The following VEGFC variants were observed in gnomAD, a reference collection of about 807,000 sequenced individuals.
VEGFC encodes vascular endothelial growth factor C.
In VEGFC, 12 loss-of-function variants were observed where a neutral mutation model predicts 46.1. The ratio of observed to expected loss-of-function variants is 0.26; its 90% CI spans 0.17 to 0.42. The LOEUF is 0.42. VEGFC is among the 10% of genes least tolerant of loss of function. The probability of loss-of-function intolerance (pLI) is 1.00; values close to 1 mark genes in which losing one functional copy is unlikely to be tolerated. For missense variants in VEGFC, 488 were observed against 529.4 expected, an observed-to-expected ratio of 0.92 and a Z score of 0.77; for synonymous variants, 232 against 195.5, an observed-to-expected ratio of 1.19 and a Z score of -1.56.
chr4:176,787,409 A>T (rs1736021017), intron 1 of VEGFC, among the ~76,000 whole-genome samples: 1 of 148,838 alleles, frequency 6.7e-6, no homozygotes, highest in Admixed American at 6.9e-5. Context: ...GTGAGCCAAC[A>T]TCATGCCACT....
At chr4:176,688,064 T>C (rs1734078593) in intron 4 of VEGFC, 137 bp from the exon 5 acceptor site, 1 of 544,316 alleles carries the variant, frequency 1.8e-6, no homozygotes, top group Non-Finnish European at 3.2e-6. Flanking sequence ...AATGTGAATG[T>C]TTTCTCCCAA....
chr4:176,687,806 C>T lies in VEGFC; in HGVS notation c.811+15G>A, dbSNP rs1417777624. The stretch of plus-strand genomic sequence containing the variant: ...GACCCCTGGCGTTTAGTCTTTAAAG[C>T]ATCATTCTGCTTACCATCTCCAGCA... On this transcript the variant is annotated intron_variant, in intron 5 of 6. Coordinates refer to ENST00000618562, the MANE Select transcript of VEGFC (RefSeq NM_005429.5). 1 of 1,581,334 alleles carries T rather than the reference C, an allele frequency of 6.3e-7. No individual in the cohort carries two copies. Among genetic ancestry groups the T allele is most frequent in the African/African-American group, 1.3e-5 (1 of 74,112 alleles).
At chr4:176,697,495 G>A (rs1734341253) in intron 4 of VEGFC, among the ~76,000 whole-genome samples, 1 of 151,946 alleles carries the variant, frequency 6.6e-6, no homozygotes, top group African/African-American at 2.4e-5. Context: ...ACAGGTGCTG[G>A]AGAGGATGTG....
chr4:176,735,093 T>C (rs1735031398), intron 1 of VEGFC, among the ~76,000 whole-genome samples: 1 of 151,820 alleles, frequency 6.6e-6, no homozygotes, highest in Non-Finnish European at 1.5e-5. Flanking sequence ...TTTTGCTGTT[T>C]TCAATCTGTT....
Position 176,712,184 on chromosome 4 carries a change from T to C in VEGFC, c.553-534A>G, listed in dbSNP as rs187303500. Reference sequence around the variant, plus strand: ...AAATTTCTACCTCAATGTAGTTTTATATGTCTTAGATCTCTTATAAATTGA... The same window carrying C: ...AAATTTCTACCTCAATGTAGTTTTACATGTCTTAGATCTCTTATAAATTGA... On this transcript the variant is annotated intron_variant, in intron 3 of 6. Transcript: ENST00000618562. Among the ~76,000 whole-genome samples, 515 of 152,290 alleles carry C rather than the reference T, an allele frequency of 3.4e-3. 5 individuals carry two copies. Among genetic ancestry groups the C allele is most frequent in the Admixed American group, 7.7e-3 (118 of 15,288 alleles).
rs538838962 is a variant in VEGFC, at chr4:176,741,369, A to G, written c.148-11623T>C. Among the ~76,000 whole-genome samples, 22 of 152,110 alleles carry G rather than the reference A, an allele frequency of 1.4e-4. No individual in the cohort carries two copies. In the East Asian group the frequency reaches 4.3e-3, roughly 29 times the overall value. ...TGGACAATCAACATTGATGAAAATT[A>G]TATTGGAACATTCCACAGGCACATT... On this transcript the variant is annotated intron_variant, in intron 1 of 6. Coordinates refer to ENST00000618562, the MANE Select transcript of VEGFC (RefSeq NM_005429.5).
In VEGFC at chr4:176,727,958, A is replaced by G; in HGVS notation, c.372T>C (p.Asn124=). ...GCATGCATTGAGTCTTTCTCCACTC[A>G]TTATCAATACCTGTCAAGTCATAGG... ...YNTEILKSID[N]EWRKTQCMPR... The change falls in exon 3 of 7, where the codon AAT becomes AAC. Residue 124 remains asparagine, a synonymous_variant. Transcript: ENST00000618562. 3 of 1,608,972 alleles carry G rather than the reference A, an allele frequency of 1.9e-6. No individual in the cohort carries two copies. Among genetic ancestry groups the G allele is most frequent in the East Asian group, 4.5e-5 (2 of 44,726 alleles).
At chr4:176,735,730 A>G (rs1243113968) in intron 1 of VEGFC, among the ~76,000 whole-genome samples, 1 of 151,874 alleles carries the variant, frequency 6.6e-6, no homozygotes, top group Non-Finnish European at 1.5e-5. Context: ...TGGAGAATTT[A>G]CCATTGACCT....
chr4:176,716,642 G>A (rs1450407331), intron 3 of VEGFC, among the ~76,000 whole-genome samples: 3 of 149,440 alleles, frequency 2.0e-5, no homozygotes, highest in African/African-American at 4.9e-5. Context: ...CGGTGAGGGT[G>A]AATGAGAACA....
intron 1 of VEGFC, among the ~76,000 whole-genome samples, chr4:176,784,139 A>ACTCACTG (rs1188403887): frequency 6.9e-6 from 1 of 144,776 alleles, no homozygotes; most frequent in Non-Finnish European, 1.5e-5. Context: ...ATCTCAGCTC[A>ACTCACTG]CTCACTGCAA....
In VEGFC at chr4:176,722,473, T is replaced by C. The variant is rs185237106; in HGVS notation, c.552+5305A>G. Among the ~76,000 whole-genome samples the C allele has an allele frequency of 3.4e-3, 499 of 148,058 alleles. 5 individuals are homozygous for C. The highest frequency in any genetic ancestry group is 8.4e-3 in the Admixed American group (119 of 14,222). On this transcript the variant is annotated intron_variant, in intron 3 of 6. Coordinates refer to ENST00000618562, the MANE Select transcript of VEGFC (RefSeq NM_005429.5). Reference sequence around the variant, plus strand: ...TGCTCATCTTACCCCTGGCCCCTTGTAATTTTTTTCTTTTGTTTTTTTTTT... The same window carrying C: ...TGCTCATCTTACCCCTGGCCCCTTGCAATTTTTTTCTTTTGTTTTTTTTTT...
At position 176,712,560 on chromosome 4, in the gene VEGFC, G is replaced by C. The variant is rs974620232; in HGVS notation, c.553-910C>G. Among the ~76,000 whole-genome samples the C allele has an allele frequency of 4.6e-5, 7 of 152,254 alleles. No homozygotes were observed. The East Asian group carries it at 1.4e-3, about 29-fold the overall frequency. ...GTGAAATCTTGCCCACTAACTGCTT[G>C]ATAAGATCAACTTGCAGTCATTTAA... is the stretch of plus-strand genomic sequence containing the variant. On this transcript the variant is annotated intron_variant, in intron 3 of 6. Transcript: ENST00000618562.
chr4:176,695,325 C>T (rs1196431143), intron 4 of VEGFC, among the ~76,000 whole-genome samples: 2 of 150,860 alleles, frequency 1.3e-5, no homozygotes, highest in African/African-American at 4.9e-5. Context: ...GAAATACAAA[C>T]TACCATCAGA....
chr4:176,704,136 GTCTC>G (rs576301427), intron 4 of VEGFC, among the ~76,000 whole-genome samples: 27 of 152,058 alleles, frequency 1.8e-4, no homozygotes, highest in Admixed American at 1.1e-3. Context: ...GGCTTTTGTG[GTCTC>G]TCTCTCTGTT....
In VEGFC at chr4:176,785,502, CA is replaced by C. The variant is rs541512118; in HGVS notation, c.147+6662del. On this transcript the variant is annotated intron_variant, in intron 1 of 6. Coordinates refer to ENST00000618562, the MANE Select transcript of VEGFC (RefSeq NM_005429.5). ...TATTTAAAAAAACCTTTTATAAGAACAGCCAAAGTATTTATATTGTTTATTT... is the reference window on the plus strand; with the variant it reads ...TATTTAAAAAAACCTTTTATAAGAACGCCAAAGTATTTATATTGTTTATTT... Among the ~76,000 whole-genome samples the C allele has an allele frequency of 3.3e-3, 503 of 152,266 alleles. 5 individuals are homozygous for C. Among genetic ancestry groups the C allele is most frequent in the Admixed American group, 7.9e-3 (120 of 15,286 alleles).
intron 3 of VEGFC, among the ~76,000 whole-genome samples, chr4:176,724,243 G>T (rs866973426): frequency 2.0e-5 from 3 of 152,178 alleles, no homozygotes; most frequent in Non-Finnish European, 4.4e-5. Flanking sequence ...AAGGCTAGGG[G>T]TCAGGGAACA....
At chr4:176,773,683 TTTG>T (rs1046247179) in intron 1 of VEGFC, among the ~76,000 whole-genome samples, 73 of 151,096 alleles carry the variant, frequency 4.8e-4, no homozygotes, top group African/African-American at 1.7e-3. Context: ...CATGTGTAGG[TTTG>T]TTGTTGTTTT....
chr4:176,787,947 T>C (rs1442522137), intron 1 of VEGFC, among the ~76,000 whole-genome samples: 1 of 152,212 alleles, frequency 6.6e-6, no homozygotes, highest in African/African-American at 2.4e-5. Context: ...TATGTGTTTG[T>C]AACAAAAGGT....
At chr4:176,686,950 G>C (rs1156865923) in intron 6 of VEGFC, among the ~76,000 whole-genome samples, 2 of 152,134 alleles carry the variant, frequency 1.3e-5, no homozygotes, top group East Asian at 3.9e-4. Flanking sequence ...CACTAATTTA[G>C]AGTATATTCT....
Sources: allele counts gnomAD v4.1 joint callset (sites outside exome capture counted in the v4.1 genomes callset), GRCh38; gene constraint gnomAD v4.1.1; transcripts MANE v1.5; gene names NCBI Gene and HGNC (gene_info 2026-07-23, HGNC 2026-07-21).